DENND1A: variants seen among roughly 807,000 people sequenced by gnomAD.
The protein encoded by DENND1A is DENN domain-containing protein 1A.
Under a neutral mutation model 113.7 loss-of-function variants are expected in DENND1A, and 51 were observed. The observed-to-expected ratio is 0.45, with a 90% CI of 0.36 to 0.57. DENND1A has a LOEUF of 0.57. DENND1A is among the 20% of genes least tolerant of loss of function. The pLI, the probability that DENND1A is intolerant of heterozygous loss-of-function variation, is 0.00. For synonymous variants in DENND1A, 565 were observed against 570.8 expected (o/e 0.99, Z 0.14); for missense variants, 1,258 against 1,395.9 (o/e 0.90, Z 1.57).
chr9:123,736,096 G>A (rs185549923), intron 5 of DENND1A, among the ~76,000 whole-genome samples: 2 of 152,286 alleles, frequency 1.3e-5, no homozygotes, highest in South Asian at 2.1e-4. Flanking sequence ...TAGTTCTAAT[G>A]AGAACTAAAA....
chr9:123,525,659 T>G (rs1442482814), intron 13 of DENND1A, among the ~76,000 whole-genome samples: 1 of 151,802 alleles, frequency 6.6e-6, no homozygotes, highest in Admixed American at 6.6e-5. Context: ...ACAAGGCAGC[T>G]GGTGGAAAGT....
chr9:123,400,109 G>T (rs2043352156), intron 21 of DENND1A: 1 of 152,266 alleles, frequency 6.6e-6, no homozygotes, highest in Admixed American at 6.5e-5. Context: ...TTCTTGAAGA[G>T]ATTTAGTAAC....
At position 123,579,548 on chromosome 9, in the gene DENND1A, G is replaced by A. The variant is rs559750151; in HGVS notation, c.867+3621C>T. On this transcript the variant is annotated intron_variant, in intron 12 of 23. Coordinates refer to ENST00000394215, the MANE Select transcript of DENND1A (RefSeq NM_001352964.2). ...CTGGAGTCAGATGAGCCAGTCTTGA[G>A]TCTGCTGGTAATAATGCAGGGGGAA... Among the ~76,000 whole-genome samples the A allele has an allele frequency of 3.3e-5, 5 of 152,286 alleles. No homozygotes were observed. In the South Asian group the frequency reaches 1.0e-3, roughly 32 times the overall value.
intron 1 of DENND1A, among the ~76,000 whole-genome samples, chr9:123,902,932 G>A (rs1263628677): frequency 6.6e-6 from 1 of 150,944 alleles, no homozygotes; most frequent in African/African-American, 2.4e-5. Flanking sequence ...ATTAGTAAAT[G>A]GAATATAATA....
At chr9:123,657,732 T>C (rs1016050493) in intron 8 of DENND1A, among the ~76,000 whole-genome samples, 2 of 151,904 alleles carry the variant, frequency 1.3e-5, no homozygotes, top group Non-Finnish European at 2.9e-5. Flanking sequence ...TATTTTACCA[T>C]AATAAAAATT....
chr9:123,909,430 A>G (rs2134002096), intron 1 of DENND1A, among the ~76,000 whole-genome samples: 1 of 151,194 alleles, frequency 6.6e-6, no homozygotes, highest in Middle Eastern at 3.4e-3. Flanking sequence ...AAAAACTGGA[A>G]AAAAGAAAAA....
chr9:123,402,598 C>A lies in DENND1A; in HGVS notation c.1631+804G>T, dbSNP rs766427900. ...CAACAATCCTAGACCAAGACGAACTCATGCACTTTTTCAAGGCATCACAGG... is the reference window on the plus strand; with the variant it reads ...CAACAATCCTAGACCAAGACGAACTAATGCACTTTTTCAAGGCATCACAGG... On this transcript the variant is annotated intron_variant, in intron 21 of 23. Coordinates refer to ENST00000394215, the MANE Select transcript of DENND1A (RefSeq NM_001352964.2). 5 of 534,714 alleles carry A rather than the reference C, an allele frequency of 9.4e-6. No homozygotes were observed. The African/African-American group carries it at 9.6e-5, about 10-fold the overall frequency. The allele number at this position is 534,714 out of a possible 1,614,324, so 33.1% of individuals were successfully genotyped here.
At chr9:123,489,583 A>T (rs1420683510) in intron 13 of DENND1A, among the ~76,000 whole-genome samples, 1 of 152,250 alleles carries the variant, frequency 6.6e-6, no homozygotes, top group Non-Finnish European at 1.5e-5. Flanking sequence ...GTTGTTTCAC[A>T]TAAAAGTCAA....
intron 1 of DENND1A, among the ~76,000 whole-genome samples, chr9:123,920,871 C>G (rs762971866): frequency 6.6e-6 from 1 of 152,016 alleles, no homozygotes; most frequent in African/African-American, 2.4e-5. Context: ...CCGGGCCTGG[C>G]TGGGGACATA....
At chr9:123,544,671 G>A (rs2056530223) in intron 13 of DENND1A, among the ~76,000 whole-genome samples, 3 of 152,188 alleles carry the variant, frequency 2.0e-5, no homozygotes, top group Admixed American at 1.3e-4. Flanking sequence ...CAGGGGGGCT[G>A]TAAAAAGGGG....
At chr9:123,875,592 A>G (rs1564427950) in intron 2 of DENND1A, among the ~76,000 whole-genome samples, 2 of 152,174 alleles carry the variant, frequency 1.3e-5, no homozygotes, top group East Asian at 1.9e-4. Context: ...TGCAAGCTCT[A>G]TCCCATACCC....
At chr9:123,697,488 C>T (rs1379853840) in intron 5 of DENND1A, among the ~76,000 whole-genome samples, 1 of 152,158 alleles carries the variant, frequency 6.6e-6, no homozygotes, top group Non-Finnish European at 1.5e-5. Context: ...GCACCCATCA[C>T]TCGAGCAGTA....
At chr9:123,524,776 C>A (rs949428423) in intron 13 of DENND1A, among the ~76,000 whole-genome samples, 2 of 152,320 alleles carry the variant, frequency 1.3e-5, no homozygotes, top group Admixed American at 1.3e-4. Flanking sequence ...ACGTACTCAA[C>A]ATTTGTACCT....
chr9:123,800,252 C>G (rs1834419797), intron 2 of DENND1A, among the ~76,000 whole-genome samples: 1 of 152,220 alleles, frequency 6.6e-6, no homozygotes, highest in Non-Finnish European at 1.5e-5. Context: ...GACCCTTCTG[C>G]TAATTCCTTT....
intron 10 of DENND1A, among the ~76,000 whole-genome samples, chr9:123,625,743 CATAAA>C (rs1293268359): frequency 1.3e-5 from 2 of 152,158 alleles, no homozygotes; most frequent in African/African-American, 2.4e-5. Flanking sequence ...GACCTTGTCT[CATAAA>C]ATAAAATAAG....
At chr9:123,763,840 AAC>A (rs2071245958) in intron 4 of DENND1A, among the ~76,000 whole-genome samples, 1 of 152,186 alleles carries the variant, frequency 6.6e-6, no homozygotes, top group Non-Finnish European at 1.5e-5. Flanking sequence ...CCTCGATAAA[AAC>A]AGCTCTAGTT....
chr9:123,645,809 T>G (rs1262311548), intron 9 of DENND1A, among the ~76,000 whole-genome samples: 1 of 152,256 alleles, frequency 6.6e-6, no homozygotes, highest in Non-Finnish European at 1.5e-5. Flanking sequence ...TCTTACACCC[T>G]TCACTCGAAG....
chr9:123,846,385 C>CA (rs1275226187), intron 2 of DENND1A, among the ~76,000 whole-genome samples: 1 of 152,120 alleles, frequency 6.6e-6, no homozygotes, highest in Non-Finnish European at 1.5e-5. Flanking sequence ...AAACATATAC[C>CA]AACAATGAAT....
chr9:123,645,329 G>A (rs955834044), intron 9 of DENND1A, among the ~76,000 whole-genome samples: 2 of 152,188 alleles, frequency 1.3e-5, no homozygotes, highest in Non-Finnish European at 2.9e-5. Context: ...TGAGAAGAAT[G>A]TGGTTTGTCA....
Sources: gnomAD v4.1 joint callset for allele counts (sites outside exome capture counted in the v4.1 genomes callset) on GRCh38, gnomAD v4.1.1 for gene constraint, MANE v1.5 for transcripts, NCBI Gene and HGNC (gene_info 2026-07-23, HGNC 2026-07-21) for gene names.